DYNC1I1: variants seen among roughly 807,000 people sequenced by gnomAD.
DYNC1I1 encodes the protein cytoplasmic dynein 1 intermediate chain 1.
A neutral mutation model predicts 86.6 loss-of-function variants in DYNC1I1; 43 were observed. That is an observed-to-expected ratio of 0.50 (90% CI 0.39 to 0.64). The LOEUF (loss-of-function observed/expected upper bound fraction) is 0.64, where lower values mean the gene tolerates loss of function less well. DYNC1I1 is among the 30% of genes least tolerant of loss of function. The pLI is 0.00. For synonymous variants in DYNC1I1, 262 were observed against 283.7 expected (o/e 0.92, Z 0.77); for missense variants, 604 against 788.8 (o/e 0.77, Z 2.81).
At chr7:96,052,273 T>C (rs771557720) in intron 14 of DYNC1I1, among the ~76,000 whole-genome samples, 1 of 152,154 alleles carries the variant, frequency 6.6e-6, no homozygotes, top group Non-Finnish European at 1.5e-5. Flanking sequence ...GGTTAAGCTT[T>C]AAAAATCCTA....
At chr7:95,912,662 C>T (rs1037896928) in intron 6 of DYNC1I1, among the ~76,000 whole-genome samples, 1 of 152,180 alleles carries the variant, frequency 6.6e-6, no homozygotes, top group African/African-American at 2.4e-5. Flanking sequence ...AGGCTTGCCC[C>T]CTCTTTGACC....
rs549354128 is a variant in DYNC1I1 at position 96,012,017 on chromosome 7, A to G, written c.969+15944A>G. On this transcript the variant is annotated intron_variant, in intron 10 of 16. Transcript: ENST00000447467. ...ACTTAAAAAATGAAAATATGTTCCT[A>G]TGGTCTGCCAAAACTATCCTGAAAT... 1.6e-4 allele frequency among the ~76,000 whole-genome samples: 24 copies of G among 152,304 alleles called. No homozygotes were observed. The Middle Eastern group carries it at 0.01, about 65-fold the overall frequency.
chr7:95,999,197 C>G (rs1453551761), intron 10 of DYNC1I1, among the ~76,000 whole-genome samples: 1 of 152,104 alleles, frequency 6.6e-6, no homozygotes, highest in African/African-American at 2.4e-5. Flanking sequence ...GTCTGACCAC[C>G]CTGCATTGCT....
At chr7:95,811,261 C>T (rs1464915971) in intron 3 of DYNC1I1, among the ~76,000 whole-genome samples, 2 of 151,900 alleles carry the variant, frequency 1.3e-5, no homozygotes, top group African/African-American at 4.8e-5. Flanking sequence ...CTTTTGTTTT[C>T]CATACATTTA....
chr7:95,973,352 C>T (rs1310645827), intron 6 of DYNC1I1, among the ~76,000 whole-genome samples: 3 of 152,132 alleles, frequency 2.0e-5, no homozygotes, highest in East Asian at 1.9e-4. Flanking sequence ...AAAACACTTA[C>T]TTTATGTCTT....
rs1584179687 is a variant in DYNC1I1, at chr7:95,939,050, A to G, written c.491-38462A>G. On this transcript the variant is annotated intron_variant, in intron 6 of 16. Coordinates refer to ENST00000447467, the MANE Select transcript of DYNC1I1 (RefSeq NM_001135556.2). ...TCTTTATTTCTGCCTTCCTTTCATT[A>G]TGCACCCAGTAGTCATTCAGGAGCA... Among the ~76,000 whole-genome samples the G allele has an allele frequency of 2.0e-5, 3 of 152,138 alleles. No homozygotes were observed. In the South Asian group the frequency reaches 6.2e-4, roughly 32 times the overall value.
chr7:95,961,786 C>G (rs1418961769), intron 6 of DYNC1I1, among the ~76,000 whole-genome samples: 1 of 152,194 alleles, frequency 6.6e-6, no homozygotes, highest in Non-Finnish European at 1.5e-5. Flanking sequence ...AATATAGCTA[C>G]CAGAGCATAC....
At chr7:96,037,411 T>C (rs963181295) in intron 13 of DYNC1I1, among the ~76,000 whole-genome samples, 1 of 152,210 alleles carries the variant, frequency 6.6e-6, no homozygotes, top group South Asian at 2.1e-4. Context: ...TCAAAATAAC[T>C]GATGACGGTG....
chr7:96,081,420 G>A (rs907217508), intron 16 of DYNC1I1, among the ~76,000 whole-genome samples: 4 of 151,520 alleles, frequency 2.6e-5, no homozygotes, highest in African/African-American at 7.3e-5. Flanking sequence ...TCTATCAATT[G>A]TACTTAAGAT....
intron 8 of DYNC1I1, among the ~76,000 whole-genome samples, chr7:95,986,368 G>A (rs1011288378): frequency 2.6e-5 from 4 of 152,174 alleles, no homozygotes; most frequent in African/African-American, 9.6e-5. Flanking sequence ...TTGTGGAGCA[G>A]CTGCATAACC....
chr7:96,083,926 A>G (rs894770015), intron 16 of DYNC1I1, among the ~76,000 whole-genome samples: 3 of 152,260 alleles, frequency 2.0e-5, no homozygotes, highest in African/African-American at 7.2e-5. Flanking sequence ...TACAATCTGT[A>G]TTAAAAAGTA....
At chr7:95,828,006 T>C in intron 4 of DYNC1I1, 51 bp from the exon 5 acceptor site, 1 of 1,602,382 alleles carries the variant, frequency 6.2e-7, no homozygotes, top group Non-Finnish European at 8.5e-7. Flanking sequence ...TTTGTTGCCC[T>C]CCCCTTTTGT....
At chr7:95,937,399 T>C (rs1482876512) in intron 6 of DYNC1I1, among the ~76,000 whole-genome samples, 1 of 152,046 alleles carries the variant, frequency 6.6e-6, no homozygotes, top group Non-Finnish European at 1.5e-5. Flanking sequence ...CATTCTGCAA[T>C]GTAGATGCAT....
intron 4 of DYNC1I1, among the ~76,000 whole-genome samples, chr7:95,818,126 A>C (rs1041056044): frequency 6.6e-6 from 1 of 152,128 alleles, no homozygotes; most frequent in Non-Finnish European, 1.5e-5. Context: ...TCCTTAACAA[A>C]ATAGTCCGAA....
At chr7:95,851,391 G>T (rs538074174) in intron 5 of DYNC1I1, among the ~76,000 whole-genome samples, 1 of 152,198 alleles carries the variant, frequency 6.6e-6, no homozygotes, top group South Asian at 2.1e-4. Context: ...TTCAGAACAG[G>T]GTGCAATTTA....
intron 16 of DYNC1I1, among the ~76,000 whole-genome samples, chr7:96,106,800 CA>C (rs1291416900): frequency 6.6e-6 from 1 of 152,134 alleles, no homozygotes; most frequent in African/African-American, 2.4e-5. Flanking sequence ...ACCTGTATTT[CA>C]AATGCTTTTA....
rs181193803 is a variant in DYNC1I1 at position 95,875,857 on chromosome 7, C to T, written c.490+5859C>T. Among the ~76,000 whole-genome samples, 76 of 152,280 alleles carry T rather than the reference C, an allele frequency of 5.0e-4. 1 individual carries two copies. Among genetic ancestry groups the T allele is most frequent in the Admixed American group, 5.0e-3 (76 of 15,302 alleles). On this transcript the variant is annotated intron_variant, in intron 6 of 16. Coordinates refer to ENST00000447467, the MANE Select transcript of DYNC1I1 (RefSeq NM_001135556.2). ...ATCTCTCTTTTGATGATTTAGTCTC[C>T]TCTCAGCTGTCATGGTCTCCAGACC...
Position 95,876,334 on chromosome 7 carries a change from C to G in DYNC1I1, c.490+6336C>G, listed in dbSNP as rs369039915. Reference sequence around the variant, plus strand: ...TCTACCATGGAGTCTCAAGGTTTTACTGTTCTGGACAGAAGGAGTGATCTT... The same window carrying G: ...TCTACCATGGAGTCTCAAGGTTTTAGTGTTCTGGACAGAAGGAGTGATCTT... On this transcript the variant is annotated intron_variant, in intron 6 of 16. Transcript: ENST00000447467. 9.9e-5 allele frequency among the ~76,000 whole-genome samples: 15 copies of G among 152,270 alleles called. No individual in the cohort carries two copies. In the East Asian group the frequency reaches 2.9e-3, roughly 29 times the overall value.
chr7:95,846,002 G>A (rs902735652), intron 5 of DYNC1I1, among the ~76,000 whole-genome samples: 18 of 152,078 alleles, frequency 1.2e-4, no homozygotes, highest in African/African-American at 4.1e-4. Context: ...GAAAGATGTA[G>A]GCCAATTGTT....
Sources: allele counts gnomAD v4.1 joint callset (sites outside exome capture counted in the v4.1 genomes callset), GRCh38; gene constraint gnomAD v4.1.1; transcripts MANE v1.5; gene names NCBI Gene and HGNC (gene_info 2026-07-23, HGNC 2026-07-21).